Variants in ZHX2 observed in about 807,000 individuals in gnomAD.
ZHX2 encodes the protein zinc fingers and homeoboxes 2.
A neutral mutation model predicts 21.9 loss-of-function variants in ZHX2; 6 were observed. That is an observed-to-expected ratio of 0.27 (90% confidence interval 0.15 to 0.54). The LOEUF (loss-of-function observed/expected upper bound fraction) is 0.54. ZHX2 is among the 20% of genes least tolerant of loss of function. The pLI is 0.95. For synonymous variants in ZHX2, 434 were observed against 437.1 expected (o/e 0.99, Z 0.09); for missense variants, 908 against 1,090.7 (o/e 0.83, Z 2.36).
intron 2 of ZHX2, among the ~76,000 whole-genome samples, chr8:122,907,086 C>T (rs1820367492): frequency 6.6e-6 from 1 of 152,166 alleles, no homozygotes; most frequent in African/African-American, 2.4e-5. Context: ...CATCAAGTTG[C>T]ATAAACCCAC....
intron 2 of ZHX2, among the ~76,000 whole-genome samples, chr8:122,867,280 T>A (rs1252588731): frequency 6.6e-6 from 1 of 152,216 alleles, no homozygotes. Flanking sequence ...GAGTGAAAAG[T>A]CTTCAGCCCA....
chr8:122,884,863 A>G (rs1166997967), intron 2 of ZHX2, among the ~76,000 whole-genome samples: 1 of 152,228 alleles, frequency 6.6e-6, no homozygotes, highest in African/African-American at 2.4e-5. Flanking sequence ...GGCAAGCGCC[A>G]TAAACAAGGT....
rs7010029 is a variant in ZHX2 at position 122,937,002 on chromosome 8, T to G, written c.-219-14290T>G. ...TCACTGGGCAGGACCAAGTCACATG[T>G]GCAGTGCCAGAGGTTCCACCTGGGC... On this transcript the variant is annotated intron_variant, in intron 2 of 3. Transcript: ENST00000314393. 3.9e-3 allele frequency among the ~76,000 whole-genome samples: 596 copies of G among 152,384 alleles called. 8 individuals are homozygous for G. The highest frequency in any genetic ancestry group is 0.013 in the African/African-American group (557 of 41,594).
At position 122,828,545 on chromosome 8, in the gene ZHX2, G is replaced by C. The variant is rs1327498523; in HGVS notation, c.-282-34932G>C. Among the ~76,000 whole-genome samples the C allele has an allele frequency of 6.6e-6, 1 of 152,256 alleles. No individual in the cohort carries two copies. The highest frequency in any genetic ancestry group is 2.4e-5 in the African/African-American group (1 of 41,460). ...GTGTGCAGCTAAACCCATGGCAGGA[G>C]ACGCTGTCCTTGTGACATACCTTGT... On this transcript the variant is annotated intron_variant, in intron 1 of 3. Transcript: ENST00000314393. This position sits in a 1 kb window ranked among gnomAD's most constrained non-coding sequence, Gnocchi z 5.2.
chr8:122,892,746 A>C (rs1820012334), intron 2 of ZHX2, among the ~76,000 whole-genome samples: 2 of 152,148 alleles, frequency 1.3e-5, no homozygotes, highest in South Asian at 4.1e-4. Context: ...GTGCAAAGGC[A>C]CAATCTTGGC....
chr8:122,926,387 T>C (rs757943919), intron 2 of ZHX2, among the ~76,000 whole-genome samples: 1 of 152,218 alleles, frequency 6.6e-6, no homozygotes, highest in Non-Finnish European at 1.5e-5. Flanking sequence ...GGCTATGTCC[T>C]GCACTAGGTA....
chr8:122,782,743 G>A lies in ZHX2; in HGVS notation c.-283+797G>A, dbSNP rs961715870. 6.6e-6 allele frequency among the ~76,000 whole-genome samples: 1 copy of A among 152,064 alleles called. No individual in the cohort carries two copies. The highest frequency in any genetic ancestry group is 2.4e-5 in the African/African-American group (1 of 41,438). ...GAGTCCGCGCGGGGCGGGGGGCCGA[G>A]GGCGGCCGCGGGACCCCCGGCCCTG... On this transcript the variant is annotated intron_variant, in intron 1 of 3. Coordinates refer to ENST00000314393, the MANE Select transcript of ZHX2 (RefSeq NM_014943.5). This position sits in a 1 kb window ranked among gnomAD's most constrained non-coding sequence, Gnocchi z 5.3.
chr8:122,969,305 T>C (rs933456459), intron 3 of ZHX2, among the ~76,000 whole-genome samples: 1 of 152,194 alleles, frequency 6.6e-6, no homozygotes, highest in East Asian at 1.9e-4. Context: ...GAGTAACTTC[T>C]GGAGGTATGT....
chr8:122,817,602 C>T (rs1377008370), intron 1 of ZHX2, among the ~76,000 whole-genome samples: 2 of 152,228 alleles, frequency 1.3e-5, no homozygotes, highest in African/African-American at 2.4e-5. Flanking sequence ...CACTATGAAC[C>T]TTGGGCAAGG....
chr8:122,832,666 C>T (rs1200198663), intron 1 of ZHX2, among the ~76,000 whole-genome samples: 1 of 152,010 alleles, frequency 6.6e-6, no homozygotes, highest in Non-Finnish European at 1.5e-5. Context: ...AGGAGGGAAC[C>T]CAGAGCCTAA....
chr8:122,799,723 G>A (rs761541540), intron 1 of ZHX2, among the ~76,000 whole-genome samples: 8 of 152,216 alleles, frequency 5.3e-5, no homozygotes, highest in Admixed American at 1.3e-4. Flanking sequence ...TGACCTGGCA[G>A]CATCCTGATG....
At chr8:122,837,109 T>G (rs1016657148) in intron 1 of ZHX2, among the ~76,000 whole-genome samples, 2 of 152,142 alleles carry the variant, frequency 1.3e-5, no homozygotes, top group African/African-American at 4.8e-5. Flanking sequence ...AGGTACCCTA[T>G]ATGGTCTAAA....
chr8:122,823,784 T>C (rs961185515), intron 1 of ZHX2, among the ~76,000 whole-genome samples: 1 of 152,230 alleles, frequency 6.6e-6, no homozygotes, highest in Non-Finnish European at 1.5e-5. Context: ...TTACGGCTGC[T>C]GTTGACACCT....
At chr8:122,869,123 T>C (rs1819370762) in intron 2 of ZHX2, among the ~76,000 whole-genome samples, 1 of 152,196 alleles carries the variant, frequency 6.6e-6, no homozygotes, top group African/African-American at 2.4e-5. Context: ...TCCTCTCCCC[T>C]GAGGCCTAGA....
rs1034915346 is a variant in ZHX2, at chr8:122,909,380, T to A, written c.-219-41912T>A. On this transcript the variant is annotated intron_variant, in intron 2 of 3. Transcript: ENST00000314393. ...CCCAGGAGGTGGAGGTTGCAGTGAATAAAGATCGTGCCACTGCACTCCAGC... is the reference window on the plus strand; with the variant it reads ...CCCAGGAGGTGGAGGTTGCAGTGAAAAAAGATCGTGCCACTGCACTCCAGC... Among the ~76,000 whole-genome samples the A allele has an allele frequency of 1.3e-4, 19 of 147,250 alleles. 1 individual carries two copies. In the Admixed American group the frequency reaches 1.3e-3, roughly 10 times the overall value.
At position 122,969,533 on chromosome 8, in the gene ZHX2, C is replaced by T. The variant is rs139543787; in HGVS notation, c.*5-3709C>T. Among the ~76,000 whole-genome samples the T allele has an allele frequency of 2.7e-3, 414 of 152,018 alleles. 1 individual carries two copies. Among genetic ancestry groups the T allele is most frequent in the Non-Finnish European group, 4.3e-3 (292 of 68,004 alleles). ...TCCATTATGTGCGGCTTTCTGCAAACGAGTTATACGTCAATAAAGCTAGGG... is the reference window on the plus strand; with the variant it reads ...TCCATTATGTGCGGCTTTCTGCAAATGAGTTATACGTCAATAAAGCTAGGG... On this transcript the variant is annotated intron_variant, in intron 3 of 3. Transcript: ENST00000314393.
At chr8:122,969,251 G>C (rs1813661654) in intron 3 of ZHX2, among the ~76,000 whole-genome samples, 1 of 152,144 alleles carries the variant, frequency 6.6e-6, no homozygotes, top group Non-Finnish European at 1.5e-5. Flanking sequence ...AGGGGGATGT[G>C]GGGAATTTTC....
At position 122,951,572 on chromosome 8, in the gene ZHX2, A is replaced by G. The variant is rs1459137494; in HGVS notation, c.62A>G (p.Gln21Arg). ...GTTCGGACATCACAAGTAGTAGAAC[A>G]AGATGTGCCCGAGGAAGTAGACAGG... ...CMVRTSQVVEQDVPEEVDRAK... is the reference protein window; with the variant it reads ...CMVRTSQVVERDVPEEVDRAK... The change falls in exon 3 of 4, where the codon CAA becomes CGA. Residue 21 changes from glutamine to arginine, a missense_variant. Physicochemically the swap from Gln to Arg is conservative, Grantham distance 43. Around this residue, in one of 4 missense-constraint regions of ZHX2, gnomAD observed 25 missense variants for 48.9 expected, o/e 0.51. Transcript: ENST00000314393. 6.2e-7 allele frequency: 1 copy of G among 1,613,880 alleles called. No individual in the cohort carries two copies. Among genetic ancestry groups the G allele is most frequent in the Non-Finnish European group, 8.5e-7 (1 of 1,180,000 alleles).
chr8:122,825,301 G>T (rs1445382949), intron 1 of ZHX2, among the ~76,000 whole-genome samples: 1 of 152,124 alleles, frequency 6.6e-6, no homozygotes, highest in Admixed American at 6.5e-5. Flanking sequence ...TTGTCACATT[G>T]CTTTATAGCT....
Sources: allele counts gnomAD v4.1 joint callset (sites outside exome capture counted in the v4.1 genomes callset), GRCh38; gene constraint gnomAD v4.1.1; regional missense constraint gnomAD v4.1.1; non-coding constraint Gnocchi (gnomAD v3.1); transcripts MANE v1.5; gene names NCBI Gene and HGNC (gene_info 2026-07-23, HGNC 2026-07-21).